TMEM154: variants seen among roughly 807,000 people sequenced by gnomAD.
TMEM154 encodes the protein transmembrane protein 154.
TMEM154 carries 27 observed loss-of-function variants against 24.5 expected under a neutral mutation model. The observed-to-expected ratio is 1.10, with a 90% CI of 0.81 to 1.52. TMEM154 has a LOEUF of 1.52. TMEM154 is among the 40% of genes most tolerant of loss of function. TMEM154 has a pLI of 0.00. For missense variants in TMEM154, 228 were observed against 213.4 expected (o/e 1.07, Z -0.43); for synonymous variants, 67 against 76.8 (o/e 0.87, Z 0.67).
In TMEM154 at chr4:152,628,598, A is replaced by ACACAC. The variant is rs771268979; in HGVS notation, c.537-38_537-37insGTGTG. 2.8e-5 allele frequency: 33 copies of ACACAC among 1,168,506 alleles called. No homozygotes were observed. The African/African-American group carries it at 6.0e-4, about 21-fold the overall frequency. 72.4% of individuals were successfully genotyped at this position (1,168,506 alleles called of 1,614,324 possible). Reference sequence around the variant, plus strand: ...AAAAAAAAAAAAAAAAAAAACAAAAAAAACACACACACACACACAAAACAG... The same window carrying ACACAC: ...AAAAAAAAAAAAAAAAAAAACAAAAACACACAAACACACACACACACACAAAACAG... On this transcript the variant is annotated intron_variant, in intron 6 of 6. Coordinates refer to ENST00000304385, the MANE Select transcript of TMEM154 (RefSeq NM_152680.3).
chr4:152,640,892 C>CCAAAA, intron 6 of TMEM154, 36 bp downstream of exon 6: 7 of 1,454,054 alleles, frequency 4.8e-6, no homozygotes, highest in Non-Finnish European at 6.7e-6. Flanking sequence ...CGCCCCCCGC[C>CCAAAA]ATATACATGT....
At chr4:152,664,366 G>A (rs1287774516) in intron 1 of TMEM154, among the ~76,000 whole-genome samples, 1 of 141,544 alleles carries the variant, frequency 7.1e-6, no homozygotes, top group Non-Finnish European at 1.5e-5. Context: ...ACACACTGGG[G>A]CCTGTCGTGG....
intron 1 of TMEM154, among the ~76,000 whole-genome samples, chr4:152,678,287 G>A (rs1728986989): frequency 6.6e-6 from 1 of 151,962 alleles, no homozygotes; most frequent in African/African-American, 2.4e-5. Context: ...CTTTAACCAA[G>A]TCTCTTCAGA....
At chr4:152,637,390 A>T (rs965942020) in intron 6 of TMEM154, among the ~76,000 whole-genome samples, 10 of 152,164 alleles carry the variant, frequency 6.6e-5, no homozygotes, top group African/African-American at 2.4e-4. Flanking sequence ...TATTAAAAAT[A>T]CAAAATTAGC....
intron 1 of TMEM154, among the ~76,000 whole-genome samples, chr4:152,671,532 G>A (rs886146228): frequency 6.6e-6 from 1 of 151,804 alleles, no homozygotes; most frequent in African/African-American, 2.4e-5. Context: ...CAGATCACGA[G>A]GTCAGGAGAT....
chr4:152,673,912 A>G (rs566288046), intron 1 of TMEM154, among the ~76,000 whole-genome samples: 4 of 152,104 alleles, frequency 2.6e-5, no homozygotes, highest in Admixed American at 6.5e-5. Flanking sequence ...CTAGGAGTCA[A>G]TTCTTGGGAT....
rs565188458 is a variant in TMEM154, at chr4:152,619,095, T to A, written c.*9451A>T. ...TACAGAGATGAGTAAGACTGATCCC[T>A]ATCCTCAAGGTGCTCAGTCTAATCT... On this transcript the variant is annotated 3_prime_UTR_variant, in exon 7 of 7. Transcript: ENST00000304385. 3 of 152,354 alleles carry A rather than the reference T, an allele frequency of 2.0e-5. No homozygotes were observed. The East Asian group carries it at 5.8e-4, about 29-fold the overall frequency. 9.4% of individuals were successfully genotyped at this position (152,354 alleles called of 1,614,324 possible). A position where few individuals can be genotyped will look rare whatever the true frequency, so the allele number is the denominator to read the frequency against.
intron 6 of TMEM154, among the ~76,000 whole-genome samples, chr4:152,628,880 T>C (rs950885750): frequency 4.0e-4 from 60 of 151,772 alleles, no homozygotes; most frequent in Middle Eastern, 3.4e-3. Flanking sequence ...CTCCTGACCT[T>C]GTGATCTGCC....
At chr4:152,654,959 A>G (rs1428845868) in intron 1 of TMEM154, among the ~76,000 whole-genome samples, 1 of 152,180 alleles carries the variant, frequency 6.6e-6, no homozygotes, top group Non-Finnish European at 1.5e-5. Context: ...ACCCCAAACC[A>G]TCAGAATCAA....
intron 6 of TMEM154, among the ~76,000 whole-genome samples, chr4:152,632,593 C>T (rs1207027541): frequency 6.6e-6 from 1 of 152,176 alleles, no homozygotes; most frequent in East Asian, 1.9e-4. Flanking sequence ...ACACAGTATA[C>T]CTCTCCATTC....
chr4:152,652,158 A>G (rs898244219), intron 3 of TMEM154, among the ~76,000 whole-genome samples: 3 of 152,136 alleles, frequency 2.0e-5, no homozygotes, highest in African/African-American at 7.2e-5. Context: ...AACATTTGAA[A>G]TATTGTGAGA....
intron 1 of TMEM154, among the ~76,000 whole-genome samples, chr4:152,664,786 A>T (rs548062513): frequency 3.9e-5 from 6 of 152,228 alleles, no homozygotes; most frequent in Admixed American, 2.0e-4. Context: ...AAACAATTTT[A>T]TAGTTAAGAT....
chr4:152,627,241 C>A lies in TMEM154; in HGVS notation c.*1305G>T, dbSNP rs527848107. 2.6e-5 allele frequency: 4 copies of A among 152,296 alleles called. No individual in the cohort carries two copies. In the South Asian group the frequency reaches 8.3e-4, roughly 32 times the overall value. The allele number at this position is 152,296 out of a possible 1,614,324, so 9.4% of individuals were successfully genotyped here. On this transcript the variant is annotated 3_prime_UTR_variant, in exon 7 of 7. Coordinates refer to ENST00000304385, the MANE Select transcript of TMEM154 (RefSeq NM_152680.3). ...AGGGCAGACTTTCAAGCACAAGACACAAAATTGAGCAGCAAATGTTTGGGT... is the reference window on the plus strand; with the variant it reads ...AGGGCAGACTTTCAAGCACAAGACAAAAAATTGAGCAGCAAATGTTTGGGT...
intron 1 of TMEM154, among the ~76,000 whole-genome samples, chr4:152,675,122 G>C (rs866480996): frequency 6.2e-5 from 8 of 129,520 alleles, no homozygotes; most frequent in Admixed American, 4.0e-4. Context: ...ACACCACTGT[G>C]CTCCAGCCTG....
chr4:152,665,030 G>A (rs1561056274), intron 1 of TMEM154, among the ~76,000 whole-genome samples: 1 of 152,142 alleles, frequency 6.6e-6, no homozygotes, highest in Non-Finnish European at 1.5e-5. Context: ...GAATCACTGA[G>A]GCATCTTTCA....
In TMEM154 at chr4:152,628,076, G is replaced by C. The variant is rs1307671061; in HGVS notation, c.*470C>G. ...TCGAGAAAAGTTCCTGCTGAATGTA[G>C]TTTACCTGTCCCACGACTTGAATAA... On this transcript the variant is annotated 3_prime_UTR_variant, in exon 7 of 7. Coordinates refer to ENST00000304385, the MANE Select transcript of TMEM154 (RefSeq NM_152680.3). 5.9e-6 allele frequency: 1 copy of C among 168,828 alleles called. No homozygotes were observed. The highest frequency in any genetic ancestry group is 1.3e-5 in the Non-Finnish European group (1 of 77,650). The allele number at this position is 168,828 out of a possible 1,614,324, so 10.5% of individuals were successfully genotyped here. A position where few individuals can be genotyped will look rare whatever the true frequency, so the allele number is the denominator to read the frequency against.
rs1554010034 is a variant in TMEM154 at position 152,619,432 on chromosome 4, C to CAAATA, written c.*9113_*9114insTATTT. Reference sequence around the variant, plus strand: ...ACGGTGCCTGCAACAAATCCCTTATCCCACTTGCTCTTCTCATAATGTGGC... The same window carrying CAAATA: ...ACGGTGCCTGCAACAAATCCCTTATCAAATACCACTTGCTCTTCTCATAATGTGGC... On this transcript the variant is annotated 3_prime_UTR_variant, in exon 7 of 7. Transcript: ENST00000304385. 4.4e-5 allele frequency: 1 copy of CAAATA among 22,632 alleles called. No homozygotes were observed. Among genetic ancestry groups the CAAATA allele is most frequent in the Admixed American group, 6.3e-4 (1 of 1,580 alleles). The allele number at this position is 22,632 out of a possible 1,614,324, so 1.4% of individuals were successfully genotyped here. A position where few individuals can be genotyped will look rare whatever the true frequency, so the allele number is the denominator to read the frequency against.
At chr4:152,636,410 A>T (rs1435767149) in intron 6 of TMEM154, among the ~76,000 whole-genome samples, 1 of 150,798 alleles carries the variant, frequency 6.6e-6, no homozygotes, top group African/African-American at 2.4e-5. Context: ...AATATGAAAC[A>T]CTCCCCTCCC....
At position 152,662,650 on chromosome 4, in the gene TMEM154, A is replaced by C. The variant is rs372152025; in HGVS notation, c.65-9723T>G. 1.8e-3 allele frequency among the ~76,000 whole-genome samples: 273 copies of C among 152,304 alleles called. 1 individual carries two copies. The highest frequency in any genetic ancestry group is 6.2e-3 in the African/African-American group (259 of 41,566). On this transcript the variant is annotated intron_variant, in intron 1 of 6. Transcript: ENST00000304385. ...GTGTCCCTCCCATGGCCTATGGGTT[A>C]ACAGCCACTCTTAATGCAGTGGACA...
Sources: allele counts gnomAD v4.1 joint callset (sites outside exome capture counted in the v4.1 genomes callset), GRCh38; gene constraint gnomAD v4.1.1; transcripts MANE v1.5; gene names NCBI Gene and HGNC (gene_info 2026-07-23, HGNC 2026-07-21).